HMX1: variants seen among roughly 807,000 people sequenced by gnomAD.
HMX1 encodes homeobox protein HMX1.
Under a neutral mutation model 8.9 loss-of-function variants are expected in HMX1, and 8 were observed. The ratio of observed to expected loss-of-function variants is 0.90; its 90% CI spans 0.53 to 1.63. The LOEUF is 1.63. HMX1 is among the 40% of genes most tolerant of loss of function. HMX1 has a pLI of 0.00. For missense variants in HMX1, 621 were observed against 558.5 expected (o/e 1.11, Z -1.13); for synonymous variants, 311 against 283.4 (o/e 1.10, Z -0.98).
rs1212914321 is a variant in HMX1, at chr4:8,871,283, C to A, written c.332G>T (p.Gly111Val). ...GPGPPFALGCGGAARWYPRAH... is the reference protein window; with the variant it reads ...GPGPPFALGCVGAARWYPRAH... ...CCGTGGGTACCAGCGCGCTGCGCCT[C>A]CGCAGCCCAGAGCGAAGGGCGGCCC... The change falls in exon 1 of 2, where the codon GGA (glycine) becomes GTA (valine). Residue 111 changes from glycine to valine, a missense_variant. Gly to Val is a moderately radical substitution (Grantham distance 109). Transcript: ENST00000400677. This position sits in a 1 kb window ranked among gnomAD's most constrained non-coding sequence, Gnocchi z 4.8. 6.8e-7 allele frequency: 1 copy of A among 1,476,910 alleles called. No homozygotes were observed. Among genetic ancestry groups the A allele is most frequent in the Non-Finnish European group, 8.9e-7 (1 of 1,120,482 alleles). The allele number at this position is 1,476,910 out of a possible 1,614,324, so 91.5% of individuals were successfully genotyped here.
chr4:8,860,261 T>A (rs1420677149), intron 1 of HMX1, among the ~76,000 whole-genome samples: 4 of 152,160 alleles, frequency 2.6e-5, no homozygotes. Context: ...GGGACCGATA[T>A]ACTGCAGGAG....
chr4:8,871,010 T>C lies in HMX1; in HGVS notation c.394+211A>G, dbSNP rs1368079139. Among the ~76,000 whole-genome samples, 1 of 151,802 alleles carries C rather than the reference T, an allele frequency of 6.6e-6. No individual in the cohort carries two copies. Among genetic ancestry groups the C allele is most frequent in the Non-Finnish European group, 1.5e-5 (1 of 67,946 alleles). On this transcript the variant is annotated intron_variant, in intron 1 of 1. Coordinates refer to ENST00000400677, the MANE Select transcript of HMX1 (RefSeq NM_018942.3). The surrounding 1 kb of genome is among the most constrained non-coding windows in gnomAD (Gnocchi z 4.8). ...GGGTGAAGCTATGGCCTGCAAAACC[T>C]CCTCGTTAGCGGAGCTCCTGCCCCA...
downstream of HMX1, among the ~76,000 whole-genome samples, chr4:8,863,730 T>C (rs4515242): frequency 0.066 from 10,065 of 152,306 alleles, 1,102 homozygotes; most frequent in African/African-American, 0.22. Flanking sequence ...GGTTGCTGCC[T>C]GCTCTCTCGG....
At position 8,848,307 on chromosome 4, in the gene HMX1, T is replaced by G. The variant is rs1721336173; in HGVS notation, c.395-1983A>C. ...CATGTTGGATGAAATTATCATTTAT[T>G]TGCAACTGTTTGTTCTTTAATGTAG... On this transcript the variant is annotated intron_variant, in intron 1 of 1. Transcript: ENST00000506970. The surrounding 1 kb of genome is among the most constrained non-coding windows in gnomAD (Gnocchi z 4.1). 6.6e-6 allele frequency among the ~76,000 whole-genome samples: 1 copy of G among 152,244 alleles called. No individual in the cohort carries two copies. Among genetic ancestry groups the G allele is most frequent in the Admixed American group, 6.5e-5 (1 of 15,290 alleles).
At position 8,871,459 on chromosome 4, in the gene HMX1, G is replaced by C. The variant is rs1161353667; in HGVS notation, c.156C>G (p.Pro52=). ...GCGCCTGCTCGGCGTCCTCGTCTTC[G>C]GGGTCGTCGTCGTCCTCCTCCTCGT... ...REDEEEDDDD[P]EDEDAEQARR... is the part of the protein sequence containing the mutation. Residue 52 remains proline, a synonymous_variant, in exon 1 of 2, where the codon CCC becomes CCG. Transcript: ENST00000400677. This position sits in a 1 kb window ranked among gnomAD's most constrained non-coding sequence, Gnocchi z 4.8. The C allele has an allele frequency of 7.5e-7, 1 of 1,341,466 alleles. No homozygotes were observed. The highest frequency in any genetic ancestry group is 1.6e-5 in the African/African-American group (1 of 64,364). The allele number at this position is 1,341,466 out of a possible 1,614,324, so 83.1% of individuals were successfully genotyped here.
downstream of HMX1, among the ~76,000 whole-genome samples, chr4:8,865,741 G>C (rs532542020): frequency 6.6e-6 from 1 of 152,094 alleles, no homozygotes; most frequent in Non-Finnish European, 1.5e-5. Context: ...TGCCCCTCAT[G>C]GCCGCCAACA....
downstream of HMX1, among the ~76,000 whole-genome samples, chr4:8,863,259 G>A (rs1176561097): frequency 6.6e-6 from 1 of 152,220 alleles, no homozygotes; most frequent in East Asian, 1.9e-4. Flanking sequence ...CAGAATTCCT[G>A]CCCCTCTCAG....
intron 1 of HMX1, among the ~76,000 whole-genome samples, chr4:8,857,391 G>C (rs1721641676): frequency 6.6e-6 from 1 of 152,180 alleles, no homozygotes; most frequent in African/African-American, 2.4e-5. Context: ...CAGGTAGGAG[G>C]CAGGAGGCGG....
In HMX1 at chr4:8,871,404, ACTGTCGCCGCCGCTGTAG is replaced by A; in HGVS notation, c.193_210del (p.Gln66_Leu71del). 1 of 1,264,132 alleles carries A rather than the reference ACTGTCGCCGCCGCTGTAG, an allele frequency of 7.9e-7. No individual in the cohort carries two copies. Among genetic ancestry groups the A allele is most frequent in the South Asian group, 2.1e-5 (1 of 48,074 alleles). The allele number at this position is 1,264,132 out of a possible 1,614,324, so 78.3% of individuals were successfully genotyped here. A position where few individuals can be genotyped will look rare whatever the true frequency, so the allele number is the denominator to read the frequency against. ...CCGCCGGGCCCGGTGCCCGCGAGCA[ACTGTCGCCGCCGCTGTAG>A]CCGTCGCCGCCGCGCCTGCTCGGCG... On this transcript the variant is annotated inframe_deletion, in exon 1 of 2. Coordinates refer to ENST00000400677, the MANE Select transcript of HMX1 (RefSeq NM_018942.3). The surrounding 1 kb of genome is among the most constrained non-coding windows in gnomAD (Gnocchi z 4.8).
downstream of HMX1, among the ~76,000 whole-genome samples, chr4:8,866,181 G>A (rs1721989450): frequency 6.6e-6 from 1 of 152,154 alleles, no homozygotes; most frequent in African/African-American, 2.4e-5. Flanking sequence ...CTGGATGGTA[G>A]AGACACACAG....
At chr4:8,866,551 C>T (rs1241512261), downstream of HMX1, among the ~76,000 whole-genome samples, 2 of 152,248 alleles carry the variant, frequency 1.3e-5, no homozygotes, top group African/African-American at 2.4e-5. Flanking sequence ...GCTTTGTCCA[C>T]CACCTGAGTC....
Position 8,871,635 on chromosome 4 carries a change from G to T in HMX1, c.-21C>A. ...GGCATCGCGGCCGCGGGCTTCTCGG[G>T]CTCGGCCGGGCTCCTCGGTCCCCGC... On this transcript the variant is annotated 5_prime_UTR_variant, in exon 1 of 2. Coordinates refer to ENST00000400677, the MANE Select transcript of HMX1 (RefSeq NM_018942.3). The surrounding 1 kb of genome is among the most constrained non-coding windows in gnomAD (Gnocchi z 4.8). 70 of 1,237,280 alleles carry T rather than the reference G, an allele frequency of 5.7e-5. No homozygotes were observed. Among genetic ancestry groups the T allele is most frequent in the Non-Finnish European group, 7.0e-5 (69 of 991,400 alleles). 76.6% of individuals were successfully genotyped at this position (1,237,280 alleles called of 1,614,324 possible).
In HMX1 at chr4:8,868,730, C is replaced by T. The variant is rs1444428922; in HGVS notation, c.395-385G>A. On this transcript the variant is annotated intron_variant, in intron 1 of 1. Transcript: ENST00000400677. This position sits in a 1 kb window ranked among gnomAD's most constrained non-coding sequence, Gnocchi z 4.6. ...CTGCACCACGGGCGGCCCGGAAAAA[C>T]ACACAAACCTCCCGCAGAAGTCCCG... 6.6e-6 allele frequency among the ~76,000 whole-genome samples: 1 copy of T among 152,192 alleles called. No homozygotes were observed. Among genetic ancestry groups the T allele is most frequent in the Non-Finnish European group, 1.5e-5 (1 of 68,026 alleles).
downstream of HMX1, among the ~76,000 whole-genome samples, chr4:8,866,307 AC>A (rs776499814): frequency 3.9e-5 from 6 of 152,162 alleles, no homozygotes; most frequent in Non-Finnish European, 8.8e-5. Context: ...GAGCGTCTAC[AC>A]CCAAGTGAAG....
downstream of HMX1, among the ~76,000 whole-genome samples, chr4:8,866,070 A>G (rs1215591233): frequency 6.6e-6 from 1 of 152,138 alleles, no homozygotes; most frequent in Non-Finnish European, 1.5e-5. Context: ...AGGCTGAAGG[A>G]GGCCCCCTGG....
Position 8,871,382 on chromosome 4 carries a change from C to T in HMX1, c.233G>A (p.Gly78Asp), listed in dbSNP as rs908660366. 3.0e-4 allele frequency: 375 copies of T among 1,241,874 alleles called. No homozygotes were observed. Among genetic ancestry groups the T allele is most frequent in the Middle Eastern group, 9.8e-4 (3 of 3,048 alleles). 76.9% of individuals were successfully genotyped at this position (1,241,874 alleles called of 1,614,324 possible). ...RRQLLAGTGP[G>D]GEARARALLG... ...CAGCGCACGGGCCCGCGCCTCCCCG[C>T]CGGGCCCGGTGCCCGCGAGCAACTG... Residue 78 changes from glycine (G) to aspartate (D), a missense_variant, in exon 1 of 2, where the codon GGC becomes GAC. By Grantham distance (94) the Gly-to-Asp change is moderately conservative (BLOSUM62 -1). Transcript: ENST00000400677. The surrounding 1 kb of genome is among the most constrained non-coding windows in gnomAD (Gnocchi z 4.8).
Position 8,871,468 on chromosome 4 carries a change from GTCGTCCTCCTCC to G in HMX1, c.135_146del (p.Glu45_Asp48del), listed in dbSNP as rs932891672. 2.2e-6 allele frequency: 3 copies of G among 1,344,250 alleles called. No homozygotes were observed. The highest frequency in any genetic ancestry group is 2.9e-6 in the Non-Finnish European group (3 of 1,038,036). 83.3% of individuals were successfully genotyped at this position (1,344,250 alleles called of 1,614,324 possible). A position where few individuals can be genotyped will look rare whatever the true frequency, so the allele number is the denominator to read the frequency against. On this transcript the variant is annotated inframe_deletion, in exon 1 of 2. Transcript: ENST00000400677. The surrounding 1 kb of genome is among the most constrained non-coding windows in gnomAD (Gnocchi z 4.8). ...CGGCGTCCTCGTCTTCGGGGTCGTC[GTCGTCCTCCTCC>G]TCGTCCTCCCGGCTGCCGTCGCCCT...
downstream of HMX1, among the ~76,000 whole-genome samples, chr4:8,865,347 C>T (rs925950839): frequency 3.9e-5 from 6 of 152,192 alleles, no homozygotes; most frequent in South Asian, 2.1e-4. Flanking sequence ...CAGGCGTCCT[C>T]GTGGTGCGAG....
At chr4:8,862,973 C>T (rs1177381137), downstream of HMX1, among the ~76,000 whole-genome samples, 1 of 152,188 alleles carries the variant, frequency 6.6e-6, no homozygotes, top group Non-Finnish European at 1.5e-5. Flanking sequence ...CCCTCCAGGG[C>T]AGTCATTCAT....
Sources: allele counts gnomAD v4.1 joint callset (sites outside exome capture counted in the v4.1 genomes callset), GRCh38; gene constraint gnomAD v4.1.1; non-coding constraint Gnocchi (gnomAD v3.1); transcripts MANE v1.5; gene names NCBI Gene and HGNC (gene_info 2026-07-23, HGNC 2026-07-21).